The following HADHA variants were observed in gnomAD, a reference collection of about 807,000 sequenced individuals.
The protein encoded by HADHA is trifunctional enzyme subunit alpha, mitochondrial.
HADHA carries 59 observed loss-of-function variants against 91.3 expected under a neutral mutation model. That is an observed-to-expected ratio of 0.65 (90% CI 0.52 to 0.80). The LOEUF (loss-of-function observed/expected upper bound fraction) is 0.80, where lower values mean the gene tolerates loss of function less well. Among genes scored for constraint, HADHA ranks in the 30% least tolerant of loss-of-function variants. The probability of loss-of-function intolerance (pLI) is 0.00; values close to 1 mark genes in which losing one functional copy is unlikely to be tolerated. For synonymous variants in HADHA, 320 were observed against 338.9 expected, an observed-to-expected ratio of 0.94 and a Z score of 0.61; for missense variants, 800 against 927.6, an observed-to-expected ratio of 0.86 and a Z score of 1.79.
At chr2:26,202,931 T>C (rs1669882916) in intron 12 of HADHA, among the ~76,000 whole-genome samples, 1 of 152,222 alleles carries the variant, frequency 6.6e-6, no homozygotes, top group Non-Finnish European at 1.5e-5. Context: ...AGCAGTGTGG[T>C]GAGCGGCACT....
At position 26,232,227 on chromosome 2, in the gene HADHA, A is replaced by G; in HGVS notation, c.506T>C (p.Leu169Ser). 6.2e-7 allele frequency: 1 copy of G among 1,603,054 alleles called. No homozygotes were observed. The highest frequency in any genetic ancestry group is 1.3e-5 in the African/African-American group (1 of 74,872). The change falls in exon 6 of 20, where the codon TTA (leucine) becomes TCA (serine). Residue 169 changes from leucine to serine, a missense_variant. By Grantham distance (145) the Leu-to-Ser change is moderately radical. Coordinates refer to ENST00000380649, the MANE Select transcript of HADHA (RefSeq NM_000182.5). Reference sequence around the variant, plus strand: ...CCCCAGCAAAACTTCAGGGGTACCTAATACTGTTTTTCTGTCTTTTGTTGC... The same window carrying G: ...CCCCAGCAAAACTTCAGGGGTACCTGATACTGTTTTTCTGTCTTTTGTTGC... ...RIATKDRKTV[L>S]GTPEVLLGAL...
intron 4 of HADHA, chr2:26,235,096 G>A (rs1670715172): frequency 6.6e-6 from 1 of 152,198 alleles, no homozygotes; most frequent in South Asian, 2.1e-4. Flanking sequence ...ATCACCTGAG[G>A]TCAGGAGTTC....
At position 26,214,428 on chromosome 2, in the gene HADHA, T is replaced by C. The variant is rs377130384; in HGVS notation, c.918+15A>G. On this transcript the variant is annotated intron_variant, in intron 9 of 19. Transcript: ENST00000380649. This position sits in a 1 kb window ranked among gnomAD's most constrained non-coding sequence, Gnocchi z 4.1. ...AGGAAATATGAGAAAAGTGGGAATATTGGGTAAGACTCACATCAATTATTT... is the reference window on the plus strand; with the variant it reads ...AGGAAATATGAGAAAAGTGGGAATACTGGGTAAGACTCACATCAATTATTT... 1.1e-5 allele frequency: 13 copies of C among 1,171,924 alleles called. No homozygotes were observed. The African/African-American group carries it at 1.5e-4, about 14-fold the overall frequency. 72.6% of individuals were successfully genotyped at this position (1,171,924 alleles called of 1,614,324 possible).
In HADHA at chr2:26,229,096, T is replaced by C. The variant is rs748322279; in HGVS notation, c.676+1096A>G. 6.6e-6 allele frequency among the ~76,000 whole-genome samples: 1 copy of C among 152,134 alleles called. No homozygotes were observed. The highest frequency in any genetic ancestry group is 6.5e-5 in the Admixed American group (1 of 15,270). On this transcript the variant is annotated intron_variant, in intron 7 of 19. Transcript: ENST00000380649. This position sits in a 1 kb window ranked among gnomAD's most constrained non-coding sequence, Gnocchi z 4.3. ...GGCTCACACCTGTAAATCTCGGCAC[T>C]TTGGGTGGCTGAGGGAGGAGGATTA...
intron 12 of HADHA, among the ~76,000 whole-genome samples, chr2:26,202,811 GC>G: frequency 6.6e-6 from 1 of 152,316 alleles, no homozygotes; most frequent in South Asian, 2.1e-4. Flanking sequence ...AATCATGACA[GC>G]AGTCAGCAAA....
At position 26,230,240 on chromosome 2, in the gene HADHA, C is replaced by A; in HGVS notation, c.628G>T (p.Asp210Tyr). The part of the protein sequence containing the change: ...MMLTGRSIRA[D>Y]RAKKMGLVDQ... ...ACCAGTCCCATTTTCTTTGCCCTGTCTGCACGAATGCTTCTACCAGTCAGC... is the reference window on the plus strand; with the variant it reads ...ACCAGTCCCATTTTCTTTGCCCTGTATGCACGAATGCTTCTACCAGTCAGC... Residue 210 changes from aspartate (D) to tyrosine (Y), a missense_variant, in exon 7 of 20, where the codon GAC (aspartate) becomes TAC (tyrosine). Physicochemically the swap from Asp to Tyr is radical, Grantham distance 160. Transcript: ENST00000380649. 1 of 1,613,886 alleles carries A rather than the reference C, an allele frequency of 6.2e-7. No individual in the cohort carries two copies.
At chr2:26,207,075 G>A (rs1003182735) in intron 11 of HADHA, among the ~76,000 whole-genome samples, 9 of 152,102 alleles carry the variant, frequency 5.9e-5, no homozygotes, top group Non-Finnish European at 8.8e-5. Flanking sequence ...GTATGTGCCT[G>A]TAGTCTCAGC....
intron 14 of HADHA, among the ~76,000 whole-genome samples, chr2:26,196,064 TTATC>T (rs1669663109): frequency 1.3e-5 from 2 of 152,248 alleles, no homozygotes; most frequent in Non-Finnish European, 2.9e-5. Context: ...TGGCTGCTCA[TTATC>T]TACCTGCTCT....
At chr2:26,238,857 A>G (rs1350374525) in intron 3 of HADHA, 77 bp downstream of exon 3, 3 of 888,334 alleles carry the variant, frequency 3.4e-6, no homozygotes, top group African/African-American at 1.6e-5. Flanking sequence ...TTGGGGAAAT[A>G]TGGGATACAT....
At chr2:26,218,391 A>G (rs75293290) in intron 7 of HADHA, among the ~76,000 whole-genome samples, 98 of 152,214 alleles carry the variant, frequency 6.4e-4, no homozygotes, top group African/African-American at 2.2e-3. Flanking sequence ...AGACAAATCA[A>G]AAGGTAAGAA....
Position 26,204,095 on chromosome 2 carries a change from G to T in HADHA, c.1187C>A (p.Ala396Glu). The T allele has an allele frequency of 6.2e-7, 1 of 1,613,682 alleles. No individual in the cohort carries two copies. Among genetic ancestry groups the T allele is most frequent in the South Asian group, 1.1e-5 (1 of 91,074 alleles). ...CACTTGTTGCTGTCCTCGGTCTAGC[G>T]CAGTGAGGGTGGCATCTTTAAGTAT... ...KTILKDATLT[A>E]LDRGQQQVFK... The change falls in exon 12 of 20, where the codon GCG (alanine) becomes GAG (glutamate). Residue 396 changes from alanine to glutamate, a missense_variant. Transcript: ENST00000380649.
intron 5 of HADHA, among the ~76,000 whole-genome samples, chr2:26,233,223 C>T (rs1360115376): frequency 6.6e-6 from 1 of 152,180 alleles, no homozygotes; most frequent in African/African-American, 2.4e-5. Context: ...CTGGGGACCC[C>T]TGTCCTAAGG....
At chr2:26,205,253 G>A (rs1347445232) in intron 11 of HADHA, among the ~76,000 whole-genome samples, 4 of 152,120 alleles carry the variant, frequency 2.6e-5, no homozygotes, top group Non-Finnish European at 4.4e-5. Context: ...AGAAGCCCAA[G>A]TTTACAGCAC....
intron 13 of HADHA, 140 bp downstream of exon 13, chr2:26,201,009 G>A (rs754591905): frequency 2.2e-5 from 16 of 729,996 alleles, no homozygotes; most frequent in Non-Finnish European, 3.9e-5. Flanking sequence ...TGGGATTATA[G>A]GCGTGAGCCA....
chr2:26,193,901 G>C, intron 16 of HADHA, 129 bp from the exon 17 acceptor site: 1 of 721,650 alleles, frequency 1.4e-6, no homozygotes, highest in Non-Finnish European at 2.4e-6. Context: ...CCAGGCCCAG[G>C]ACTGGTGCTA....
intron 3 of HADHA, among the ~76,000 whole-genome samples, chr2:26,237,601 C>T (rs540982696): frequency 6.6e-6 from 1 of 152,168 alleles, no homozygotes; most frequent in Admixed American, 6.5e-5. Flanking sequence ...GCACTCCAGC[C>T]TAGGCAACAG....
intron 2 of HADHA, 37 bp downstream of exon 2, chr2:26,239,065 A>G: frequency 6.3e-7 from 1 of 1,576,906 alleles, no homozygotes; most frequent in African/African-American, 1.3e-5. Context: ...TCCAAAAAGC[A>G]ATGTAAGCAT....
At position 26,237,093 on chromosome 2, in the gene HADHA, A is replaced by G. The variant is rs1363280455; in HGVS notation, c.181-105T>C. On this transcript the variant is annotated intron_variant, in intron 3 of 19. Coordinates refer to ENST00000380649, the MANE Select transcript of HADHA (RefSeq NM_000182.5). ...ATTATAAGAAATATACTTATCCGGC[A>G]GAAATATACTGTTAGAAGAGAGTAA... The G allele has an allele frequency of 3.5e-6, 3 of 852,258 alleles. No individual in the cohort carries two copies. In the Admixed American group the frequency reaches 5.1e-5, roughly 15 times the overall value. The allele number at this position is 852,258 out of a possible 1,614,324, so 52.8% of individuals were successfully genotyped here.
At chr2:26,211,465 C>T (rs1267760508) in intron 10 of HADHA, among the ~76,000 whole-genome samples, 2 of 152,040 alleles carry the variant, frequency 1.3e-5, no homozygotes, top group Non-Finnish European at 2.9e-5. Context: ...ATGTTATGAG[C>T]TGCAGTCAAA....
Sources: allele counts gnomAD v4.1 joint callset (sites outside exome capture counted in the v4.1 genomes callset), GRCh38; gene constraint gnomAD v4.1.1; non-coding constraint Gnocchi (gnomAD v3.1); transcripts MANE v1.5; gene names NCBI Gene and HGNC (gene_info 2026-07-23, HGNC 2026-07-21).